SMYD3: variants seen among roughly 807,000 people sequenced by gnomAD.
SMYD3 encodes histone-lysine N-methyltransferase SMYD3.
A neutral mutation model predicts 57.7 loss-of-function variants in SMYD3; 36 were observed. That is an observed-to-expected ratio of 0.62 (90% confidence interval 0.48 to 0.82). The LOEUF (loss-of-function observed/expected upper bound fraction) is 0.82. SMYD3 is among the 40% of genes least tolerant of loss of function. SMYD3 has a pLI of 0.00. For missense variants in SMYD3, 515 were observed against 538.8 expected, an observed-to-expected ratio of 0.96 and a Z score of 0.44; for synonymous variants, 211 against 195.0, an observed-to-expected ratio of 1.08 and a Z score of -0.68.
chr1:246,014,073 C>T (rs1241737888), intron 5 of SMYD3, among the ~76,000 whole-genome samples: 2 of 152,188 alleles, frequency 1.3e-5, no homozygotes, highest in African/African-American at 4.8e-5. Flanking sequence ...GCCTGTAATC[C>T]CAACACTTTG....
At chr1:245,772,574 GA>G (rs1291874598) in intron 10 of SMYD3, among the ~76,000 whole-genome samples, 1 of 152,132 alleles carries the variant, frequency 6.6e-6, no homozygotes, top group Non-Finnish European at 1.5e-5. Context: ...GAGGTGGGAG[GA>G]TCACTTGAGC....
Position 245,806,916 on chromosome 1 carries a change from C to CAAAAAAAAAAAAAA in SMYD3, c.1077-42781_1077-42768dup, listed in dbSNP as rs112012738. Among the ~76,000 whole-genome samples, 9 of 41,334 alleles carry CAAAAAAAAAAAAAA rather than the reference C, an allele frequency of 2.2e-4. No homozygotes were observed. In the East Asian group the frequency reaches 3.2e-3, roughly 15 times the overall value. 27.1% of individuals were successfully genotyped at this position (41,334 alleles called of 152,430 possible). ...TGGGCGACAGAGCGAGACTCCGTCTCAAAAAAAAAAAAAAAAAAAAAAAAA... is the reference window on the plus strand; with the variant it reads ...TGGGCGACAGAGCGAGACTCCGTCTCAAAAAAAAAAAAAAAAAAAAAAAAAAAAAAAAAAAAAAA... On this transcript the variant is annotated intron_variant, in intron 10 of 11. Transcript: ENST00000490107.
At chr1:245,973,194 TAGCTTAA>T (rs2058343386) in intron 5 of SMYD3, among the ~76,000 whole-genome samples, 1 of 152,150 alleles carries the variant, frequency 6.6e-6, no homozygotes, top group South Asian at 2.1e-4. Flanking sequence ...CTAGAAGAAA[TAGCTTAA>T]AGCACATGCC....
At chr1:246,099,197 C>T (rs779658422) in intron 5 of SMYD3, among the ~76,000 whole-genome samples, 4 of 152,054 alleles carry the variant, frequency 2.6e-5, no homozygotes, top group African/African-American at 4.8e-5. Context: ...CAATTTGATA[C>T]GTATTTTGAA....
In SMYD3 at chr1:246,409,681, A is replaced by G. The variant is rs542503264; in HGVS notation, c.165-54587T>C. Among the ~76,000 whole-genome samples the G allele has an allele frequency of 1.7e-3, 266 of 152,142 alleles. 3 individuals are homozygous for G. The highest frequency in any genetic ancestry group is 6.3e-3 in the African/African-American group (261 of 41,508). ...CGGGCTCTTTTTTGGTTCCATATGA[A>G]CTTTAAAGTAGTTTTTTCCAATTCT... On this transcript the variant is annotated intron_variant, in intron 1 of 11. Transcript: ENST00000490107.
chr1:245,780,831 C>T (rs930529707), intron 10 of SMYD3, among the ~76,000 whole-genome samples: 19 of 151,862 alleles, frequency 1.3e-4, no homozygotes, highest in African/African-American at 4.6e-4. Flanking sequence ...CTCATCATAG[C>T]CAAAAAAGTG....
At chr1:245,781,328 G>C (rs995631692) in intron 10 of SMYD3, among the ~76,000 whole-genome samples, 1 of 152,218 alleles carries the variant, frequency 6.6e-6, no homozygotes, top group African/African-American at 2.4e-5. Flanking sequence ...TCAGGAAACT[G>C]AAGCATAGAC....
intron 1 of SMYD3, among the ~76,000 whole-genome samples, chr1:246,467,296 T>G (rs1189140258): frequency 1.3e-5 from 2 of 152,174 alleles, no homozygotes; most frequent in African/African-American, 4.8e-5. Flanking sequence ...TTTCACATAC[T>G]TTAGGATGCT....
intron 7 of SMYD3, among the ~76,000 whole-genome samples, chr1:245,926,947 T>A (rs192281744): frequency 1.6e-3 from 240 of 152,342 alleles, no homozygotes; most frequent in African/African-American, 5.4e-3. Context: ...ATCTGGAAAT[T>A]TAGCGAGTAG....
chr1:246,245,218 G>A (rs1045133567), intron 5 of SMYD3, among the ~76,000 whole-genome samples: 16 of 151,486 alleles, frequency 1.1e-4, no homozygotes, highest in Non-Finnish European at 2.9e-5. Flanking sequence ...TGAGGCGAGC[G>A]GATCACTTGA....
At chr1:245,824,127 C>T (rs2049332882) in intron 10 of SMYD3, among the ~76,000 whole-genome samples, 3 of 152,208 alleles carry the variant, frequency 2.0e-5, no homozygotes, top group Admixed American at 2.0e-4. Context: ...GCATCAGGGC[C>T]ATGCCATCTA....
At chr1:246,383,720 G>A (rs1330246148) in intron 1 of SMYD3, among the ~76,000 whole-genome samples, 1 of 152,194 alleles carries the variant, frequency 6.6e-6, no homozygotes, top group Non-Finnish European at 1.5e-5. Flanking sequence ...CCAGCACTTT[G>A]GGAGGCCGAG....
intron 8 of SMYD3, among the ~76,000 whole-genome samples, chr1:245,891,677 G>A (rs1302561394): frequency 6.6e-6 from 1 of 152,228 alleles, no homozygotes; most frequent in Non-Finnish European, 1.5e-5. Context: ...CTGGACAAAG[G>A]TCAGCTTACT....
At chr1:246,026,351 T>C (rs1261632320) in intron 5 of SMYD3, among the ~76,000 whole-genome samples, 1 of 152,166 alleles carries the variant, frequency 6.6e-6, no homozygotes, top group Non-Finnish European at 1.5e-5. Context: ...CACATACCCT[T>C]GAAAGACGCA....
At chr1:245,951,808 T>C (rs2057662931) in intron 5 of SMYD3, among the ~76,000 whole-genome samples, 1 of 152,112 alleles carries the variant, frequency 6.6e-6, no homozygotes, top group Non-Finnish European at 1.5e-5. Context: ...TCTCCTTTTC[T>C]TGAGTTATAT....
chr1:246,091,853 T>C (rs1283124272), intron 5 of SMYD3, among the ~76,000 whole-genome samples: 1 of 152,252 alleles, frequency 6.6e-6, no homozygotes, highest in Non-Finnish European at 1.5e-5. Context: ...GTTTTTTATA[T>C]AAACGTTTAA....
At chr1:246,324,109 A>G (rs1257413048) in intron 5 of SMYD3, among the ~76,000 whole-genome samples, 4 of 152,180 alleles carry the variant, frequency 2.6e-5, no homozygotes, top group African/African-American at 9.6e-5. Context: ...ATGCCTTTCA[A>G]TGAAAATTAG....
chr1:246,466,300 C>A (rs2067879662), intron 1 of SMYD3, among the ~76,000 whole-genome samples: 1 of 152,160 alleles, frequency 6.6e-6, no homozygotes, highest in South Asian at 2.1e-4. Context: ...TGGTAGAATG[C>A]ATAAAGAAAA....
At chr1:246,463,113 T>C (rs750500114) in intron 1 of SMYD3, among the ~76,000 whole-genome samples, 1 of 151,914 alleles carries the variant, frequency 6.6e-6, no homozygotes, top group East Asian at 1.9e-4. Context: ...GAGGGACACA[T>C]AGGCATGCTA....
Sources: gnomAD v4.1 joint callset for allele counts (sites outside exome capture counted in the v4.1 genomes callset) on GRCh38, gnomAD v4.1.1 for gene constraint, MANE v1.5 for transcripts, NCBI Gene and HGNC (gene_info 2026-07-23, HGNC 2026-07-21) for gene names.